The following EIF3H variants were observed in gnomAD, a reference collection of about 807,000 sequenced individuals.
EIF3H encodes eIF-3-gamma.
Under a neutral mutation model 44.2 loss-of-function variants are expected in EIF3H, and 26 were observed. That is an observed-to-expected ratio of 0.59 (90% CI 0.43 to 0.82). The LOEUF is 0.82. Among genes scored for constraint, EIF3H ranks in the 40% least tolerant of loss-of-function variants. The pLI is 0.00. For synonymous variants in EIF3H, 166 were observed against 151.9 expected (o/e 1.09, Z -0.68); for missense variants, 359 against 432.8 (o/e 0.83, Z 1.51).
intron 1 of EIF3H, among the ~76,000 whole-genome samples, chr8:116,744,067 A>C (rs910127000): frequency 2.0e-5 from 3 of 151,980 alleles, no homozygotes; most frequent in Non-Finnish European, 4.4e-5. Context: ...AATTCAAAGA[A>C]CTAAGTAAGT....
chr8:116,730,196 C>A (rs1252809001), intron 1 of EIF3H, among the ~76,000 whole-genome samples: 1 of 152,136 alleles, frequency 6.6e-6, no homozygotes, highest in African/African-American at 2.4e-5. Context: ...GTTCCCAACC[C>A]CAAGGCCACG....
intron 1 of EIF3H, among the ~76,000 whole-genome samples, chr8:116,740,633 G>A (rs529389545): frequency 1.3e-4 from 20 of 152,014 alleles, no homozygotes; most frequent in East Asian, 3.9e-4. Flanking sequence ...TTGTTGTCTA[G>A]TACACAGTTA....
At chr8:116,704,991 C>G (rs768329945) in intron 2 of EIF3H, among the ~76,000 whole-genome samples, 5 of 152,154 alleles carry the variant, frequency 3.3e-5, no homozygotes, top group Admixed American at 6.5e-5. Flanking sequence ...CCAGTGGAAA[C>G]CAACTATGCC....
rs930500676 is a variant in EIF3H at position 116,649,609 on chromosome 8, T to C, written c.708-683A>G. The stretch of plus-strand genomic sequence containing the variant: ...ACCATGGTAACGCCTGGACAGCTAC[T>C]ATACATATATATATTTTTAAAATAG... On this transcript the variant is annotated intron_variant, in intron 5 of 7. Transcript: ENST00000521861. Among the ~76,000 whole-genome samples, 3 of 152,212 alleles carry C rather than the reference T, an allele frequency of 2.0e-5. No homozygotes were observed. In the East Asian group the frequency reaches 5.8e-4, roughly 29 times the overall value.
At chr8:116,702,637 G>T (rs1814397358) in intron 2 of EIF3H, among the ~76,000 whole-genome samples, 4 of 151,952 alleles carry the variant, frequency 2.6e-5, no homozygotes. Flanking sequence ...ATATAAACTG[G>T]TCATCAGAAT....
chr8:116,758,405 T>A (rs938290447), upstream of EIF3H, among the ~76,000 whole-genome samples: 1 of 152,152 alleles, frequency 6.6e-6, no homozygotes, highest in Admixed American at 6.5e-5. Flanking sequence ...AAATCCATAA[T>A]TATAGTTGGA....
rs144868764 is a variant in EIF3H, at chr8:116,689,993, T to C, written c.290-31013A>G. Among the ~76,000 whole-genome samples, 55 of 152,308 alleles carry C rather than the reference T, an allele frequency of 3.6e-4. 1 individual carries two copies. Among genetic ancestry groups the C allele is most frequent in the African/African-American group, 2.2e-4 (9 of 41,568 alleles). Reference sequence around the variant, plus strand: ...TCCCATATATAATAACATATTCGTATCTATAATAATCCCTATCAGTTTAAT... The same window carrying C: ...TCCCATATATAATAACATATTCGTACCTATAATAATCCCTATCAGTTTAAT... On this transcript the variant is annotated intron_variant, in intron 2 of 7. Transcript: ENST00000521861.
intron 2 of EIF3H, among the ~76,000 whole-genome samples, chr8:116,724,199 C>T (rs1051290145): frequency 1.3e-5 from 2 of 152,138 alleles, no homozygotes; most frequent in Admixed American, 1.3e-4. Context: ...ATGGGACCCT[C>T]AATGGGAAAG....
chr8:116,643,381 A>G lies in EIF3H; in HGVS notation c.*1625T>C, dbSNP rs1343939720. 3 of 152,220 alleles carry G rather than the reference A, an allele frequency of 2.0e-5. No individual in the cohort carries two copies. The highest frequency in any genetic ancestry group is 2.4e-5 in the African/African-American group (1 of 41,456). 9.4% of individuals were successfully genotyped at this position (152,220 alleles called of 1,614,324 possible). ...ATATCAAAGATTATCCTAAAGAAAT[A>G]ATTATATATGTGAGCAAGTACTTGG... On this transcript the variant is annotated 3_prime_UTR_variant, in exon 8 of 8. Coordinates refer to ENST00000521861, the MANE Select transcript of EIF3H (RefSeq NM_003756.3).
chr8:116,659,478 AAGAGGATAC>A (rs1379303440), intron 2 of EIF3H, among the ~76,000 whole-genome samples: 1 of 152,214 alleles, frequency 6.6e-6, no homozygotes, highest in African/African-American at 2.4e-5. Context: ...CTTATATATG[AAGAGGATAC>A]AGGCTGTAGC....
At chr8:116,755,589 C>T in intron 1 of EIF3H, 77 bp downstream of exon 1, 1 of 1,592,216 alleles carries the variant, frequency 6.3e-7, no homozygotes, top group Non-Finnish European at 8.6e-7. Flanking sequence ...GGGGAGAATG[C>T]TAGAAAGTAC....
intron 1 of EIF3H, 66 bp downstream of exon 1, chr8:116,755,600 G>T: frequency 6.2e-7 from 1 of 1,602,748 alleles, no homozygotes; most frequent in Non-Finnish European, 8.5e-7. Flanking sequence ...TAGAAAGTAC[G>T]TCTGGTGGGA....
chr8:116,690,359 T>C (rs1457457556), intron 2 of EIF3H, among the ~76,000 whole-genome samples: 2 of 147,264 alleles, frequency 1.4e-5, no homozygotes, highest in African/African-American at 4.9e-5. Context: ...CCAGTAATAA[T>C]GGTTATTGGA....
At chr8:116,762,233 T>C (rs1815525123) in intron 1 of EIF3H, among the ~76,000 whole-genome samples, 1 of 152,236 alleles carries the variant, frequency 6.6e-6, no homozygotes. Context: ...CATTTAGCAT[T>C]GAGTTTGGCT....
In EIF3H at chr8:116,645,018, T is replaced by C; in HGVS notation, c.1047A>G (p.Glu349=). 6.2e-7 allele frequency: 1 copy of C among 1,613,908 alleles called. No individual in the cohort carries two copies. The highest frequency in any genetic ancestry group is 8.5e-7 in the Non-Finnish European group (1 of 1,179,824). Residue 349 remains glutamate (E), a synonymous_variant, in exon 8 of 8, where the codon GAA becomes GAG. Coordinates refer to ENST00000521861, the MANE Select transcript of EIF3H (RefSeq NM_003756.3). ...GKLFMAQALQ[E]YNN ...AAACTTCCTTTTCTTAGTTGTTGTATTCTTGAAGAGCCTGGGCCATGAAGA... is the reference window on the plus strand; with the variant it reads ...AAACTTCCTTTTCTTAGTTGTTGTACTCTTGAAGAGCCTGGGCCATGAAGA...
chr8:116,665,000 A>G (rs1293810138), intron 2 of EIF3H, among the ~76,000 whole-genome samples: 3 of 152,212 alleles, frequency 2.0e-5, no homozygotes, highest in African/African-American at 7.2e-5. Flanking sequence ...ATTCCTCACA[A>G]TAACTCTAAT....
upstream of EIF3H, among the ~76,000 whole-genome samples, chr8:116,758,160 C>T (rs891638076): frequency 3.9e-5 from 6 of 151,930 alleles, no homozygotes; most frequent in East Asian, 1.9e-4. Context: ...GAAAGTAAAA[C>T]GATGGAAAAA....
At chr8:116,714,317 C>A (rs539819854) in intron 2 of EIF3H, among the ~76,000 whole-genome samples, 6 of 152,178 alleles carry the variant, frequency 3.9e-5, no homozygotes, top group African/African-American at 1.4e-4. Flanking sequence ...GAAGTCATCC[C>A]CGAAAGGAAT....
At chr8:116,645,172 A>C in intron 7 of EIF3H, 69 bp from the exon 8 acceptor site, 10 of 1,233,106 alleles carry the variant, frequency 8.1e-6, no homozygotes, top group Non-Finnish European at 1.1e-5. Context: ...AAAGCTAGTC[A>C]AACAGAAAAA....
Sources: allele counts gnomAD v4.1 joint callset (sites outside exome capture counted in the v4.1 genomes callset), GRCh38; gene constraint gnomAD v4.1.1; transcripts MANE v1.5; gene names NCBI Gene and HGNC (gene_info 2026-07-23, HGNC 2026-07-21).